Variants in PLCB2 observed in about 807,000 individuals in gnomAD.
The protein encoded by PLCB2 is 1-phosphatidylinositol 4,5-bisphosphate phosphodiesterase beta-2.
Under a neutral mutation model 141.7 loss-of-function variants are expected in PLCB2, and 115 were observed. The ratio of observed to expected loss-of-function variants is 0.81; its 90% confidence interval spans 0.70 to 0.95. PLCB2 has a LOEUF of 0.95. PLCB2 is among the 40% of genes least tolerant of loss of function. The probability of loss-of-function intolerance (pLI) is 0.00; values close to 1 mark genes in which losing one functional copy is unlikely to be tolerated. For missense variants in PLCB2, 1,403 were observed against 1,541.1 expected (o/e 0.91, Z 1.50); for synonymous variants, 603 against 595.6 (o/e 1.01, Z -0.18).
In PLCB2 at chr15:40,298,481, G is replaced by A. The variant is rs117567889; in HGVS notation, c.997+81C>T. On this transcript the variant is annotated intron_variant, in intron 10 of 31. Coordinates refer to ENST00000260402, the MANE Select transcript of PLCB2 (RefSeq NM_004573.3). ...ATGGTCTGTGTTATTCTCAGGGCCA[G>A]CAGCATGTGGGCAACCCCTGTGGAG... 5.3e-3 allele frequency: 8,498 copies of A among 1,602,234 alleles called. 27 individuals carry two copies. The highest frequency in any genetic ancestry group is 6.7e-3 in the Non-Finnish European group (7,848 of 1,171,250).
chr15:40,305,175 CTTTTTTT>C (rs11320842), intron 1 of PLCB2, among the ~76,000 whole-genome samples: 3 of 134,780 alleles, frequency 2.2e-5, no homozygotes. Flanking sequence ...TTTGTGATCT[CTTTTTTT>C]TTTTTTTTTT....
At chr15:40,292,584 T>C in intron 21 of PLCB2, 141 bp from the exon 22 acceptor site, 1 of 582,786 alleles carries the variant, frequency 1.7e-6, no homozygotes, top group South Asian at 2.3e-5. Flanking sequence ...TTTAACTCTC[T>C]GAGACTTTAC....
Position 40,293,688 on chromosome 15 carries a change from G to T in PLCB2, c.2098C>A (p.Arg700Ser). ...SGQFLSERSV[R>S]TYVEVELFGL... ...AACAGCTCCACTTCTACATAGGTGC[G>T]CACGCTGCGTTCTGACAGGAACTGC... The change falls in exon 20 of 32, where the codon CGC becomes AGC. Residue 700 changes from arginine to serine, a missense_variant. Physicochemically the swap from Arg to Ser is moderately radical, Grantham distance 110. Coordinates refer to ENST00000260402, the MANE Select transcript of PLCB2 (RefSeq NM_004573.3). The T allele has an allele frequency of 6.2e-7, 1 of 1,613,970 alleles. No individual in the cohort carries two copies. Among genetic ancestry groups the T allele is most frequent in the Non-Finnish European group, 8.5e-7 (1 of 1,179,916 alleles).
rs1296351820 is a variant in PLCB2, at chr15:40,296,895, A to G, written c.1337T>C (p.Val446Ala). 4 of 1,613,658 alleles carry G rather than the reference A, an allele frequency of 2.5e-6. No individual in the cohort carries two copies. Among genetic ancestry groups the G allele is most frequent in the Non-Finnish European group, 3.4e-6 (4 of 1,179,906 alleles). ...PLEKFPLKPG[V>A]PLPSPEDLRG... ...GAGATCCTCAGGGCTGGGCAGGGGG[A>G]CACCTGGTTTTAGCTATGGAGTGGA... The change falls in exon 14 of 32, where the codon GTC becomes GCC. Residue 446 changes from valine (V) to alanine (A), a missense_variant. Around this residue, in one of 4 missense-constraint regions of PLCB2, gnomAD observed 975 missense variants for 1,141.1 expected, o/e 0.85. Coordinates refer to ENST00000260402, the MANE Select transcript of PLCB2 (RefSeq NM_004573.3).
At chr15:40,300,271 C>T (rs948872977) in intron 7 of PLCB2, among the ~76,000 whole-genome samples, 3 of 152,276 alleles carry the variant, frequency 2.0e-5, no homozygotes, top group Admixed American at 6.5e-5. Flanking sequence ...ACTGAGATCA[C>T]GCCACTGCAC....
Position 40,288,032 on chromosome 15 carries a change from C to G in PLCB2, c.*683G>C. On this transcript the variant is annotated 3_prime_UTR_variant, in exon 32 of 32. Transcript: ENST00000260402. Reference sequence around the variant, plus strand: ...GCCTGAGAGGGGTACATGGTAGGAACTGCCTGCCCCCAGGCCTAGGAAGAG... The same window carrying G: ...GCCTGAGAGGGGTACATGGTAGGAAGTGCCTGCCCCCAGGCCTAGGAAGAG... The G allele has an allele frequency of 1.0e-6, 1 of 985,476 alleles. No individual in the cohort carries two copies. The highest frequency in any genetic ancestry group is 1.2e-6 in the Non-Finnish European group (1 of 829,938). The allele number at this position is 985,476 out of a possible 1,614,324, so 61.0% of individuals were successfully genotyped here.
rs2039668437 is a variant in PLCB2, at chr15:40,288,462, A to C, written c.*253T>G. Reference sequence around the variant, plus strand: ...TGCCCTCAACAAATATATGACACTTATCTAGAGATGGAGGGGGAGGTAGGA... The same window carrying C: ...TGCCCTCAACAAATATATGACACTTCTCTAGAGATGGAGGGGGAGGTAGGA... On this transcript the variant is annotated 3_prime_UTR_variant, in exon 32 of 32. Transcript: ENST00000260402. 2 of 1,253,824 alleles carry C rather than the reference A, an allele frequency of 1.6e-6. No individual in the cohort carries two copies. The highest frequency in any genetic ancestry group is 1.0e-6 in the Non-Finnish European group (1 of 997,782). The allele number at this position is 1,253,824 out of a possible 1,614,324, so 77.7% of individuals were successfully genotyped here.
At chr15:40,307,205 G>A (rs1439432588) in intron 1 of PLCB2, among the ~76,000 whole-genome samples, 2 of 152,166 alleles carry the variant, frequency 1.3e-5, no homozygotes, top group African/African-American at 4.8e-5. Context: ...CCCTGCCGGA[G>A]CAAGGGCAAG....
At chr15:40,284,685 CA>C (rs2039583980), downstream of PLCB2, among the ~76,000 whole-genome samples, 2 of 151,918 alleles carry the variant, frequency 1.3e-5, no homozygotes, top group Non-Finnish European at 2.9e-5. Flanking sequence ...ACTAAAAATA[CA>C]AAAATTAGCT....
chr15:40,289,556 G>T (rs1010142029), intron 30 of PLCB2, 198 bp from the exon 31 acceptor site: 1 of 593,618 alleles, frequency 1.7e-6, no homozygotes. Context: ...CAGCTCATGT[G>T]AGGCACCTGG....
intron 1 of PLCB2, among the ~76,000 whole-genome samples, chr15:40,304,468 C>T (rs1161487390): frequency 1.3e-5 from 2 of 152,154 alleles, no homozygotes; most frequent in Non-Finnish European, 2.9e-5. Context: ...CTCCCATATG[C>T]CCCTTCTTCC....
chr15:40,302,641 G>T (rs12324892), intron 3 of PLCB2, 32 bp from the exon 4 acceptor site: 11 of 1,611,662 alleles, frequency 6.8e-6, no homozygotes, highest in Non-Finnish European at 7.6e-6. Flanking sequence ...TTAGGATGGA[G>T]GTGTGCTCCC....
intron 7 of PLCB2, 65 bp from the exon 8 acceptor site, chr15:40,299,293 G>T: frequency 3.6e-6 from 4 of 1,117,142 alleles, no homozygotes; most frequent in Non-Finnish European, 5.5e-6. Flanking sequence ...CACAAACTCG[G>T]CCCAGCCCTG....
At chr15:40,285,680 A>C, downstream of PLCB2, 3 of 985,328 alleles carry the variant, frequency 3.0e-6, no homozygotes, top group Non-Finnish European at 3.6e-6. Flanking sequence ...TTATGACTCA[A>C]CTTCTCTTTT....
intron 25 of PLCB2, 41 bp from the exon 26 acceptor site, chr15:40,291,528 C>A (rs1351340341): frequency 1.9e-6 from 3 of 1,604,378 alleles, no homozygotes; most frequent in Non-Finnish European, 2.5e-6. Flanking sequence ...GCCAGGCCGT[C>A]CTGCCCGTCC....
chr15:40,285,500 G>C, downstream of PLCB2: 1 of 980,890 alleles, frequency 1.0e-6, no homozygotes, highest in East Asian at 1.1e-4. Flanking sequence ...GTTTTGTTTT[G>C]TTTTCTAGAG....
At chr15:40,298,459 G>A (rs2040346346) in intron 10 of PLCB2, 79 bp from the exon 11 acceptor site, 23 of 1,589,430 alleles carry the variant, frequency 1.4e-5, no homozygotes, top group Non-Finnish European at 1.9e-5. Flanking sequence ...CTCCATCATG[G>A]TCTGTGTTAT....
In PLCB2 at chr15:40,298,932, T is replaced by A; in HGVS notation, c.716A>T (p.Glu239Val). 1 of 1,607,970 alleles carries A rather than the reference T, an allele frequency of 6.2e-7. No individual in the cohort carries two copies. The highest frequency in any genetic ancestry group is 1.1e-5 in the South Asian group (1 of 91,036). ...HAKAKPYMTK[E>V]HLTKFINQKQ... ...CTGGTTGATGAATTTGGTCAGGTGC[T>A]CCTTCGTCATGTAGGGTTTGGCCTT... Residue 239 changes from glutamate (E) to valine (V), a missense_variant, in exon 9 of 32, where the codon GAG becomes GTG. This residue lies in a region of PLCB2 where 975 missense variants were observed against 1,141.1 expected (regional missense o/e 0.85). Coordinates refer to ENST00000260402, the MANE Select transcript of PLCB2 (RefSeq NM_004573.3).
chr15:40,297,486 C>T lies in PLCB2; in HGVS notation c.1323+35G>A, dbSNP rs369572798. 11 of 1,545,426 alleles carry T rather than the reference C, an allele frequency of 7.1e-6. No individual in the cohort carries two copies. The highest frequency in any genetic ancestry group is 9.8e-6 in the Non-Finnish European group (11 of 1,117,090). ...TCACCCTGCCCCAGGTTCCCAGGCC[C>T]AAGGCTCAAATGTCCCACAGCGAAG... On this transcript the variant is annotated intron_variant, in intron 13 of 31. Transcript: ENST00000260402. This position sits in a 1 kb window ranked among gnomAD's most constrained non-coding sequence, Gnocchi z 4.2.
Sources: gnomAD v4.1 joint callset for allele counts (sites outside exome capture counted in the v4.1 genomes callset) on GRCh38, gnomAD v4.1.1 for gene constraint, gnomAD v4.1.1 regional missense constraint, Gnocchi (gnomAD v3.1) non-coding constraint, MANE v1.5 for transcripts, NCBI Gene and HGNC (gene_info 2026-07-23, HGNC 2026-07-21) for gene names.